The following NCALD variants were observed in gnomAD, a reference collection of about 807,000 sequenced individuals.
NCALD encodes neurocalcin-delta.
A neutral mutation model predicts 18.6 loss-of-function variants in NCALD; 10 were observed. That is an observed-to-expected ratio of 0.54 (90% CI 0.33 to 0.91). The LOEUF is 0.91. NCALD is among the 40% of genes least tolerant of loss of function. NCALD has a pLI of 0.03. For synonymous variants in NCALD, 88 were observed against 87.4 expected, an observed-to-expected ratio of 1.01 and a Z score of -0.04; for missense variants, 184 against 247.6, an observed-to-expected ratio of 0.74 and a Z score of 1.72.
chr8:101,994,066 A>G lies in NCALD; in HGVS notation c.-157+26171T>C, dbSNP rs572015675. The stretch of plus-strand genomic sequence containing the variant: ...TGTTATGTTCACCAAAGCAATTGCC[A>G]TAAGAATATCTTTAGGCAGCATTTT... On this transcript the variant is annotated intron_variant, in intron 2 of 6. Coordinates refer to the NCALD transcript ENST00000311028. 3.9e-5 allele frequency among the ~76,000 whole-genome samples: 6 copies of G among 152,286 alleles called. No homozygotes were observed. The East Asian group carries it at 1.2e-3, about 29-fold the overall frequency.
chr8:102,082,373 A>G (rs1369636382), intron 1 of NCALD, among the ~76,000 whole-genome samples: 1 of 151,642 alleles, frequency 6.6e-6, no homozygotes, highest in East Asian at 1.9e-4. Context: ...AGCTGGGACT[A>G]CAGGTGCCAG....
intron 1 of NCALD, among the ~76,000 whole-genome samples, chr8:102,107,821 T>C (rs1825521852): frequency 6.6e-6 from 1 of 152,218 alleles, no homozygotes; most frequent in African/African-American, 2.4e-5. Flanking sequence ...GTCCTTCTTT[T>C]ATGGAAATGC....
In NCALD at chr8:101,814,051, A is replaced by G. The variant is rs113599280; in HGVS notation, c.-20+73090T>C. Among the ~76,000 whole-genome samples, 865 of 152,242 alleles carry G rather than the reference A, an allele frequency of 5.7e-3. 9 individuals carry two copies. The highest frequency in any genetic ancestry group is 0.018 in the African/African-American group (761 of 41,552). On this transcript the variant is annotated intron_variant, in intron 4 of 6. Coordinates refer to the NCALD transcript ENST00000311028. Reference sequence around the variant, plus strand: ...TACAAAATAGAAAACACCAGGCCCAAATAGGTTCACTGGTGAATTCTACCA... The same window carrying G: ...TACAAAATAGAAAACACCAGGCCCAGATAGGTTCACTGGTGAATTCTACCA...
At chr8:102,093,149 A>G (rs868100786) in intron 1 of NCALD, among the ~76,000 whole-genome samples, 10 of 151,492 alleles carry the variant, frequency 6.6e-5, no homozygotes, top group Admixed American at 1.3e-4. Context: ...ACAGAGTGAG[A>G]CCCTGTCTCC....
chr8:101,697,836 A>G (rs1284842614), intron 2 of NCALD, among the ~76,000 whole-genome samples: 1 of 152,240 alleles, frequency 6.6e-6, no homozygotes, highest in Non-Finnish European at 1.5e-5. Context: ...CCAATATCAT[A>G]CTGAATGGGC....
At chr8:101,736,663 G>A (rs1809931942) in intron 1 of NCALD, among the ~76,000 whole-genome samples, 1 of 152,114 alleles carries the variant, frequency 6.6e-6, no homozygotes. Flanking sequence ...AGAGTTCAGG[G>A]AGTAAAGAGA....
chr8:101,988,677 C>T (rs778119353), intron 2 of NCALD, among the ~76,000 whole-genome samples: 5 of 152,106 alleles, frequency 3.3e-5, no homozygotes, highest in Admixed American at 6.5e-5. Context: ...CCATGGTCTT[C>T]CCCTATCCTT....
At chr8:102,036,049 G>C (rs1369203307) in intron 1 of NCALD, among the ~76,000 whole-genome samples, 1 of 152,060 alleles carries the variant, frequency 6.6e-6, no homozygotes, top group East Asian at 1.9e-4. Context: ...AGCACTTTGG[G>C]AGGCTAAGGT....
intron 4 of NCALD, among the ~76,000 whole-genome samples, chr8:101,801,931 G>T (rs1408865478): frequency 6.6e-6 from 1 of 151,956 alleles, no homozygotes; most frequent in Non-Finnish European, 1.5e-5. Flanking sequence ...CTCCCAAAGT[G>T]CTGGGATTAC....
At chr8:101,840,238 G>C (rs942508946) in intron 4 of NCALD, among the ~76,000 whole-genome samples, 9 of 152,118 alleles carry the variant, frequency 5.9e-5, no homozygotes, top group African/African-American at 1.7e-4. Context: ...CTAGACACTG[G>C]CTGATTGAAG....
At chr8:101,831,230 T>G (rs747033147) in intron 4 of NCALD, among the ~76,000 whole-genome samples, 2 of 152,174 alleles carry the variant, frequency 1.3e-5, no homozygotes, top group Non-Finnish European at 2.9e-5. Flanking sequence ...TGAAATAGCA[T>G]GAACCCTGGG....
chr8:101,892,600 A>G (rs1407595204), intron 3 of NCALD, among the ~76,000 whole-genome samples: 1 of 149,160 alleles, frequency 6.7e-6, no homozygotes. Flanking sequence ...AAGGCAAAGA[A>G]GTTGAACACT....
intron 4 of NCALD, among the ~76,000 whole-genome samples, chr8:101,866,359 C>T (rs1815771068): frequency 6.6e-6 from 1 of 152,202 alleles, no homozygotes; most frequent in South Asian, 2.1e-4. Flanking sequence ...CACATACTTT[C>T]CAGGTGATCT....
At chr8:101,890,496 T>A (rs767268998) in intron 3 of NCALD, among the ~76,000 whole-genome samples, 1 of 152,178 alleles carries the variant, frequency 6.6e-6, no homozygotes, top group African/African-American at 2.4e-5. Flanking sequence ...TTGAGAGATA[T>A]GGCCTTGGGG....
At chr8:101,833,791 T>A (rs59483282) in intron 4 of NCALD, among the ~76,000 whole-genome samples, 4,846 of 152,232 alleles carry the variant, frequency 0.032, 264 homozygotes, top group African/African-American at 0.11. Context: ...CAGTTTAAAA[T>A]ACAATTTGTA....
intron 2 of NCALD, among the ~76,000 whole-genome samples, chr8:101,996,466 A>C (rs1249094379): frequency 6.6e-6 from 1 of 152,222 alleles, no homozygotes; most frequent in Non-Finnish European, 1.5e-5. Context: ...CGAGCATTGG[A>C]TCTTGCCCAT....
At chr8:101,938,298 T>C (rs1021993194) in intron 2 of NCALD, among the ~76,000 whole-genome samples, 2 of 152,242 alleles carry the variant, frequency 1.3e-5, no homozygotes, top group Admixed American at 6.5e-5. Flanking sequence ...TTATGTGCTA[T>C]ATTGCATTTA....
At chr8:101,970,668 T>C (rs976462212) in intron 2 of NCALD, among the ~76,000 whole-genome samples, 11 of 152,184 alleles carry the variant, frequency 7.2e-5, no homozygotes, top group African/African-American at 2.7e-4. Flanking sequence ...TCTATCATTG[T>C]TGTAACAGAA....
intron 4 of NCALD, among the ~76,000 whole-genome samples, chr8:101,857,206 A>G (rs541502501): frequency 4.6e-5 from 7 of 152,320 alleles, no homozygotes; most frequent in African/African-American, 7.2e-5. Flanking sequence ...CACTGAGCAT[A>G]TAACACTGTC....
Sources: gnomAD v4.1 joint callset for allele counts (sites outside exome capture counted in the v4.1 genomes callset) on GRCh38, gnomAD v4.1.1 for gene constraint, MANE v1.5 for transcripts, NCBI Gene and HGNC (gene_info 2026-07-23, HGNC 2026-07-21) for gene names.